Variants in WDPCP observed in about 807,000 individuals in gnomAD.
The protein encoded by WDPCP is WD repeat containing planar cell polarity effector.
A neutral mutation model predicts 93.1 loss-of-function variants in WDPCP; 71 were observed. That is an observed-to-expected ratio of 0.76 (90% confidence interval 0.63 to 0.93). The LOEUF (loss-of-function observed/expected upper bound fraction) is 0.93, where lower values mean the gene tolerates loss of function less well. Among genes scored for constraint, WDPCP ranks in the 40% least tolerant of loss-of-function variants. WDPCP has a pLI of 0.00. For missense variants in WDPCP, 844 were observed against 887.4 expected (o/e 0.95, Z 0.62); for synonymous variants, 315 against 315.0 (o/e 1.00, Z 0.00).
rs1043730181 is a variant in WDPCP at position 63,341,627 on chromosome 2, C to T, written c.1749-28316G>A. On this transcript the variant is annotated intron_variant, in intron 12 of 17. Transcript: ENST00000272321. ...AGGTGGGACATCTAGAGAGATGGGA[C>T]AGAGCTATTGAAGTCATCAACTATT... Among the ~76,000 whole-genome samples, 10 of 152,294 alleles carry T rather than the reference C, an allele frequency of 6.6e-5. No homozygotes were observed. The East Asian group carries it at 1.9e-3, about 29-fold the overall frequency.
intron 3 of WDPCP, among the ~76,000 whole-genome samples, chr2:63,603,211 C>A (rs1163956025): frequency 6.6e-6 from 1 of 152,160 alleles, no homozygotes; most frequent in East Asian, 1.9e-4. Flanking sequence ...CCACCTCGGC[C>A]TCCCAAAGTG....
chr2:63,465,184 C>A lies in WDPCP; in HGVS notation c.384+19420G>T, dbSNP rs185375496. Among the ~76,000 whole-genome samples the A allele has an allele frequency of 1.3e-4, 20 of 152,060 alleles. No individual in the cohort carries two copies. In the East Asian group the frequency reaches 2.3e-3, roughly 18 times the overall value. The stretch of plus-strand genomic sequence containing the variant: ...TTAAAAAGCAGGTACCTGTGCCAGA[C>A]ACTGTGCTAAGTATTTCATATGTGT... On this transcript the variant is annotated intron_variant, in intron 6 of 17. Coordinates refer to ENST00000272321, the MANE Select transcript of WDPCP (RefSeq NM_015910.7).
chr2:63,670,918 G>T (rs1219494640), intron 2 of WDPCP, among the ~76,000 whole-genome samples: 2 of 152,112 alleles, frequency 1.3e-5, no homozygotes, highest in Non-Finnish European at 2.9e-5. Flanking sequence ...AAAAGGGAAG[G>T]CTAAATAAAA....
chr2:63,607,795 T>C (rs1709567606), intron 3 of WDPCP, among the ~76,000 whole-genome samples: 1 of 145,428 alleles, frequency 6.9e-6, no homozygotes, highest in African/African-American at 2.6e-5. Context: ...GCCACTGCAC[T>C]CCAGCCTGGG....
chr2:63,579,767 A>C (rs1044351253), intron 1 of WDPCP, among the ~76,000 whole-genome samples: 3 of 54,800 alleles, frequency 5.5e-5, no homozygotes, highest in Non-Finnish European at 8.8e-5. Context: ...GTAGATACAC[A>C]GATAGACAGA....
At chr2:63,665,323 C>G (rs1710269630) in intron 2 of WDPCP, among the ~76,000 whole-genome samples, 1 of 152,202 alleles carries the variant, frequency 6.6e-6, no homozygotes, top group Non-Finnish European at 1.5e-5. Context: ...TGCTGGCAAT[C>G]TGATGTTCCT....
chr2:63,262,550 AAAAAAAG>A (rs1178327296), intron 13 of WDPCP, among the ~76,000 whole-genome samples: 3 of 151,420 alleles, frequency 2.0e-5, no homozygotes, highest in Non-Finnish European at 4.4e-5. Flanking sequence ...AAAAAAAAAA[AAAAAAAG>A]AAAGAAAAGA....
intron 2 of WDPCP, among the ~76,000 whole-genome samples, chr2:63,754,735 G>A (rs1669935241): frequency 6.6e-6 from 1 of 152,186 alleles, no homozygotes; most frequent in African/African-American, 2.4e-5. Flanking sequence ...CAATCTTCAA[G>A]ACATGATTTC....
intron 14 of WDPCP, among the ~76,000 whole-genome samples, chr2:63,179,679 T>C (rs1041520965): frequency 1.3e-5 from 2 of 152,174 alleles, no homozygotes; most frequent in East Asian, 3.9e-4. Context: ...AATCCAAGAA[T>C]GGCCTAACAC....
intron 10 of WDPCP, among the ~76,000 whole-genome samples, chr2:63,387,241 C>T (rs868043011): frequency 3.3e-5 from 5 of 152,054 alleles, no homozygotes; most frequent in Admixed American, 6.6e-5. Context: ...TCAATAAATA[C>T]TAGCAAATGA....
At chr2:63,389,712 C>T (rs929732047) in intron 10 of WDPCP, among the ~76,000 whole-genome samples, 40 of 151,908 alleles carry the variant, frequency 2.6e-4, no homozygotes, top group Non-Finnish European at 1.0e-4. Context: ...ATCTACCAAG[C>T]AAATAGAAAG....
chr2:63,518,257 T>C (rs1016336417), intron 1 of WDPCP: 4 of 152,262 alleles, frequency 2.6e-5, no homozygotes, highest in South Asian at 2.1e-4. Flanking sequence ...AGGGAAGGCA[T>C]TGGGTGGATG....
chr2:63,404,670 A>AT lies in WDPCP; in HGVS notation c.826-14dup. 1 of 1,613,820 alleles carries AT rather than the reference A, an allele frequency of 6.2e-7. No individual in the cohort carries two copies. The highest frequency in any genetic ancestry group is 8.5e-7 in the Non-Finnish European group (1 of 1,179,938). Reference sequence around the variant, plus strand: ...CAGAACTCAGAACCTGTTAAGAAATATATCAAGTACATTCAGATAAACTTT... The same window carrying AT: ...CAGAACTCAGAACCTGTTAAGAAATATTATCAAGTACATTCAGATAAACTTT... On this transcript the variant is annotated splice_polypyrimidine_tract_variant and intron_variant, in intron 9 of 17. Transcript: ENST00000272321.
chr2:63,814,397 C>T (rs1038465989), intron 1 of WDPCP, among the ~76,000 whole-genome samples: 1 of 151,566 alleles, frequency 6.6e-6, no homozygotes, highest in Non-Finnish European at 1.5e-5. Flanking sequence ...CTCCTGCTTC[C>T]TACATTTGAA....
At chr2:63,257,823 A>G (rs1681267736) in intron 14 of WDPCP, among the ~76,000 whole-genome samples, 1 of 152,138 alleles carries the variant, frequency 6.6e-6, no homozygotes, top group African/African-American at 2.4e-5. Flanking sequence ...CTAATTTTAA[A>G]TAGCTTTAAA....
At chr2:63,278,804 C>A (rs202118277) in intron 13 of WDPCP, among the ~76,000 whole-genome samples, 1 of 152,032 alleles carries the variant, frequency 6.6e-6, no homozygotes, top group Non-Finnish European at 1.5e-5. Context: ...CCAGCCTGGG[C>A]GACAGATACT....
chr2:63,565,982 T>C (rs749808075), intron 1 of WDPCP, among the ~76,000 whole-genome samples: 2 of 152,112 alleles, frequency 1.3e-5, no homozygotes, highest in Non-Finnish European at 2.9e-5. Flanking sequence ...TCTATTACAG[T>C]CTCCTAACTC....
At chr2:63,553,206 T>C (rs931674927) in intron 1 of WDPCP, among the ~76,000 whole-genome samples, 3 of 152,212 alleles carry the variant, frequency 2.0e-5, no homozygotes, top group African/African-American at 7.2e-5. Context: ...AATAATAAAA[T>C]TACAAATGAG....
chr2:63,832,651 T>G (rs999674247), upstream of WDPCP, among the ~76,000 whole-genome samples: 1 of 152,210 alleles, frequency 6.6e-6, no homozygotes, highest in Non-Finnish European at 1.5e-5. Context: ...AAAACTCTAA[T>G]ATACACCTAT....
Sources: allele counts gnomAD v4.1 joint callset (sites outside exome capture counted in the v4.1 genomes callset), GRCh38; gene constraint gnomAD v4.1.1; transcripts MANE v1.5; gene names NCBI Gene and HGNC (gene_info 2026-07-23, HGNC 2026-07-21).